The following ADORA2B variants were observed in gnomAD, a reference collection of about 807,000 sequenced individuals.
ADORA2B encodes the protein adenosine receptor A2b.
In ADORA2B, 18 loss-of-function variants were observed where a neutral mutation model predicts 20.8. The observed-to-expected ratio is 0.87, with a 90% confidence interval of 0.60 to 1.29. The LOEUF (loss-of-function observed/expected upper bound fraction) is 1.29. Among genes scored for constraint, ADORA2B ranks in the 50% most tolerant of loss-of-function variants. The pLI is 0.00. For synonymous variants in ADORA2B, 179 were observed against 178.3 expected (o/e 1.00, Z -0.03); for missense variants, 441 against 422.7 (o/e 1.04, Z -0.38).
the ADORA2B span, among the ~76,000 whole-genome samples, chr17:15,923,373 C>T: frequency 7.0e-6 from 1 of 142,928 alleles, no homozygotes; most frequent in African/African-American, 2.6e-5. Flanking sequence ...CTCTGTCTCT[C>T]TCTCTATGTG....
At chr17:15,964,861 A>G (rs780713444) in intron 1 of ADORA2B, among the ~76,000 whole-genome samples, 1 of 151,998 alleles carries the variant, frequency 6.6e-6, no homozygotes, top group Non-Finnish European at 1.5e-5. Flanking sequence ...GGAGATCGAG[A>G]CCATCCTGGC....
the ADORA2B span, among the ~76,000 whole-genome samples, chr17:15,925,326 G>T: frequency 6.6e-6 from 1 of 152,170 alleles, no homozygotes; most frequent in Non-Finnish European, 1.5e-5. Context: ...GTGAGCCACC[G>T]TGCCCAGCCT....
At chr17:15,938,394 T>G in the ADORA2B span, among the ~76,000 whole-genome samples, 3 of 152,082 alleles carry the variant, frequency 2.0e-5, no homozygotes, top group African/African-American at 7.2e-5. Context: ...CCTCTGCCTC[T>G]CGAGTTCAAG....
At chr17:15,854,577 A>G in the ADORA2B span, among the ~76,000 whole-genome samples, 1 of 152,236 alleles carries the variant, frequency 6.6e-6, no homozygotes, top group African/African-American at 2.4e-5. Context: ...GGAATGCCCC[A>G]TATTGTCACT....
chr17:15,871,074 A>G, the ADORA2B span, among the ~76,000 whole-genome samples: 4 of 152,284 alleles, frequency 2.6e-5, no homozygotes, highest in Admixed American at 2.0e-4. Flanking sequence ...TCCTCTCCTG[A>G]TGGCCATGTT....
chr17:15,881,176 A>C, the ADORA2B span, among the ~76,000 whole-genome samples: 3 of 152,122 alleles, frequency 2.0e-5, no homozygotes, highest in African/African-American at 7.2e-5. Context: ...ATCTTGGCTC[A>C]CTGCAACCTC....
In ADORA2B at chr17:15,975,514, G is replaced by A. The variant is rs1174535482; in HGVS notation, c.*172G>A. Reference sequence around the variant, plus strand: ...GCTAATATGTATGTGTCAGTAGTAGGCTCCAAGGATTGACAAATATATTTA... The same window carrying A: ...GCTAATATGTATGTGTCAGTAGTAGACTCCAAGGATTGACAAATATATTTA... On this transcript the variant is annotated 3_prime_UTR_variant, in exon 2 of 2. Coordinates refer to ENST00000304222, the MANE Select transcript of ADORA2B (RefSeq NM_000676.4). 3 of 637,248 alleles carry A rather than the reference G, an allele frequency of 4.7e-6. No homozygotes were observed. Among genetic ancestry groups the A allele is most frequent in the Non-Finnish European group, 5.4e-6 (2 of 372,798 alleles). 39.5% of individuals were successfully genotyped at this position (637,248 alleles called of 1,614,324 possible).
the ADORA2B span, among the ~76,000 whole-genome samples, chr17:15,921,624 C>T: frequency 1.3e-5 from 2 of 152,052 alleles, no homozygotes; most frequent in African/African-American, 2.4e-5. Flanking sequence ...TATCAGCACA[C>T]GTCAGTATCA....
the ADORA2B span, among the ~76,000 whole-genome samples, chr17:15,931,160 T>A: frequency 6.6e-6 from 1 of 151,976 alleles, no homozygotes; most frequent in African/African-American, 2.4e-5. Flanking sequence ...CTACAAAAAA[T>A]TTAAAAGGAG....
intron 1 of ADORA2B, among the ~76,000 whole-genome samples, chr17:15,965,544 T>C (rs1970105652): frequency 6.6e-6 from 1 of 152,226 alleles, no homozygotes; most frequent in South Asian, 2.1e-4. Context: ...AATTCACGCG[T>C]GGCAGGTGGC....
chr17:15,871,848 C>G, the ADORA2B span, among the ~76,000 whole-genome samples: 1 of 152,174 alleles, frequency 6.6e-6, no homozygotes, highest in African/African-American at 2.4e-5. Flanking sequence ...TGTCCTTTCA[C>G]TGTAATAAAT....
chr17:15,933,149 G>C, the ADORA2B span, among the ~76,000 whole-genome samples: 2 of 152,046 alleles, frequency 1.3e-5, no homozygotes, highest in Non-Finnish European at 2.9e-5. Context: ...TGGAGATGGG[G>C]TTTCACCGTG....
the ADORA2B span, among the ~76,000 whole-genome samples, chr17:15,931,198 C>T: frequency 1.1e-4 from 16 of 152,234 alleles, no homozygotes; most frequent in African/African-American, 3.9e-4. Flanking sequence ...AAAAGAGAAA[C>T]GCAGGGTGTC....
intron 1 of ADORA2B, among the ~76,000 whole-genome samples, chr17:15,965,915 G>T (rs544432579): frequency 6.6e-6 from 1 of 152,180 alleles, no homozygotes; most frequent in African/African-American, 2.4e-5. Context: ...CTTTCTATTT[G>T]ACTTTTTTGG....
chr17:15,885,179 CT>C, the ADORA2B span, among the ~76,000 whole-genome samples: 1 of 152,134 alleles, frequency 6.6e-6, no homozygotes, highest in South Asian at 2.1e-4. Flanking sequence ...TGATGTTGAG[CT>C]TTTTTTCATA....
the ADORA2B span, among the ~76,000 whole-genome samples, chr17:15,915,901 C>T: frequency 6.6e-6 from 1 of 152,184 alleles, no homozygotes; most frequent in South Asian, 2.1e-4. Flanking sequence ...CAATGTCCAA[C>T]CAGCTATGTG....
the ADORA2B span, among the ~76,000 whole-genome samples, chr17:15,910,264 A>C: frequency 6.6e-6 from 1 of 151,950 alleles, no homozygotes; most frequent in Non-Finnish European, 1.5e-5. Context: ...CATGCAGCCC[A>C]GGGTGGCTTT....
At chr17:15,921,914 A>C in the ADORA2B span, among the ~76,000 whole-genome samples, 1 of 152,186 alleles carries the variant, frequency 6.6e-6, no homozygotes, top group Non-Finnish European at 1.5e-5. Context: ...TAGAAGACTC[A>C]TGTGACACTT....
At chr17:15,919,499 C>G in the ADORA2B span, among the ~76,000 whole-genome samples, 1 of 152,218 alleles carries the variant, frequency 6.6e-6, no homozygotes, top group South Asian at 2.1e-4. Flanking sequence ...ATGTTTAACT[C>G]TCCAGCTATG....
Sources: gnomAD v4.1 joint callset for allele counts (sites outside exome capture counted in the v4.1 genomes callset) on GRCh38, gnomAD v4.1.1 for gene constraint, MANE v1.5 for transcripts, NCBI Gene and HGNC (gene_info 2026-07-23, HGNC 2026-07-21) for gene names.